The following CDH5 variants were observed in gnomAD, a reference collection of about 807,000 sequenced individuals.
CDH5 encodes the protein cadherin-5.
A neutral mutation model predicts 62.0 loss-of-function variants in CDH5; 28 were observed. The observed-to-expected ratio is 0.45, with a 90% confidence interval of 0.33 to 0.62. The LOEUF (loss-of-function observed/expected upper bound fraction) is 0.62. CDH5 is among the 20% of genes least tolerant of loss of function. The pLI, the probability that CDH5 is intolerant of heterozygous loss-of-function variation, is 0.02. For synonymous variants in CDH5, 464 were observed against 445.8 expected (o/e 1.04, Z -0.52); for missense variants, 940 against 1,065.1 (o/e 0.88, Z 1.63).
chr16:66,389,476 G>A lies in CDH5; in HGVS notation c.735G>A (p.Leu245=), dbSNP rs1961044810. The A allele has an allele frequency of 6.2e-7, 1 of 1,611,844 alleles. No individual in the cohort carries two copies. The highest frequency in any genetic ancestry group is 2.2e-5 in the East Asian group (1 of 44,670). ...LRGDSGTATV[L]VTLQDINDNF... ...GGGACTCGGGCACGGCCACCGTGCTGGTCACTCTGCAAGACATCAATGACA... is the reference window on the plus strand; with the variant it reads ...GGGACTCGGGCACGGCCACCGTGCTAGTCACTCTGCAAGACATCAATGACA... Residue 245 remains leucine, a synonymous_variant, in exon 5 of 12, where the codon CTG becomes CTA. Coordinates refer to ENST00000341529, the MANE Select transcript of CDH5 (RefSeq NM_001795.5).
At chr16:66,376,112 A>G (rs1960782188) in intron 1 of CDH5, among the ~76,000 whole-genome samples, 1 of 42,984 alleles carries the variant, frequency 2.3e-5, no homozygotes, top group South Asian at 5.7e-4. Flanking sequence ...GGAAAAAATA[A>G]TAAATAAATA....
At chr16:66,401,384 AT>A (rs924308309) in intron 11 of CDH5, among the ~76,000 whole-genome samples, 26 of 152,296 alleles carry the variant, frequency 1.7e-4, no homozygotes, top group African/African-American at 6.3e-4. Context: ...CATAAAACCT[AT>A]TTTTGAAAAA....
intron 2 of CDH5, among the ~76,000 whole-genome samples, chr16:66,381,551 C>A (rs1960898918): frequency 6.6e-6 from 1 of 152,204 alleles, no homozygotes; most frequent in Non-Finnish European, 1.5e-5. Flanking sequence ...TAAAATCTCA[C>A]TTTGTCAGCT....
rs750768565 is a variant in CDH5, at chr16:66,398,008, G to T, written c.1387G>T (p.Val463Leu). The T allele has an allele frequency of 1.9e-6, 3 of 1,614,190 alleles. No individual in the cohort carries two copies. In the Admixed American group the frequency reaches 5.0e-5, roughly 27 times the overall value. Residue 463 changes from valine (V) to leucine (L), a missense_variant, in exon 9 of 12, where the codon GTG becomes TTG. Physicochemically the swap from Val to Leu is conservative, Grantham distance 32. Coordinates refer to ENST00000341529, the MANE Select transcript of CDH5 (RefSeq NM_001795.5). ...AACCCCCACAGGAAAAGAATCCATT[G>T]TGCAAGTCCACATTGAAGTTTTGGA... is the stretch of plus-strand genomic sequence containing the variant. ...TGTPTGKESI[V>L]QVHIEVLDEN...
intron 9 of CDH5, 88 bp from the exon 10 acceptor site, chr16:66,398,368 C>G: frequency 1.1e-6 from 1 of 930,780 alleles, no homozygotes; most frequent in Non-Finnish European, 1.8e-6. Context: ...ATGGTCAGGA[C>G]TTAAACCCAA....
intron 1 of CDH5, chr16:66,377,838 CCT>C (rs1391882601): frequency 1.3e-5 from 2 of 152,208 alleles, no homozygotes; most frequent in African/African-American, 4.8e-5. Context: ...AGAGAAAACC[CCT>C]GTTCCTGGAA....
chr16:66,380,501 C>CACGATGATGGT (rs1960877863), intron 2 of CDH5, among the ~76,000 whole-genome samples: 1 of 144,086 alleles, frequency 6.9e-6, no homozygotes, highest in African/African-American at 2.6e-5. Flanking sequence ...ACGATGATGG[C>CACGATGATGGT]GGTGATGATA....
chr16:66,392,521 C>A (rs1185448783), intron 7 of CDH5, 138 bp downstream of exon 7: 2 of 1,230,462 alleles, frequency 1.6e-6, no homozygotes, highest in African/African-American at 1.5e-5. Flanking sequence ...GAGGCAAGAC[C>A]AGAAGCCCAA....
At chr16:66,383,174 A>G (rs906293743) in intron 2 of CDH5, among the ~76,000 whole-genome samples, 1 of 152,166 alleles carries the variant, frequency 6.6e-6, no homozygotes, top group African/African-American at 2.4e-5. Context: ...ACCTCTGTGG[A>G]ATGTAGTATC....
At chr16:66,387,904 T>C (rs1381330553) in intron 3 of CDH5, among the ~76,000 whole-genome samples, 2 of 151,968 alleles carry the variant, frequency 1.3e-5, no homozygotes, top group Non-Finnish European at 2.9e-5. Context: ...CAGTCCAGAG[T>C]CTCCAGCCAG....
In CDH5 at chr16:66,400,751, CG is replaced by C. The variant is rs1961265613; in HGVS notation, c.1592-19del. The C allele has an allele frequency of 6.2e-7, 1 of 1,613,936 alleles. No individual in the cohort carries two copies. Among genetic ancestry groups the C allele is most frequent in the African/African-American group, 1.3e-5 (1 of 74,934 alleles). ...CTGTGCAGATGGCAAAGCCTGACTC[CG>C]AGGCCTTGGTGTTTCCAGATAACAC... On this transcript the variant is annotated intron_variant, in intron 10 of 11. Transcript: ENST00000341529.
At chr16:66,388,940 C>T (rs1239932374) in intron 4 of CDH5, among the ~76,000 whole-genome samples, 3 of 152,102 alleles carry the variant, frequency 2.0e-5, no homozygotes, top group Non-Finnish European at 2.9e-5. Context: ...TATGTGATGA[C>T]TTAACAAAAA....
chr16:66,375,879 G>A (rs902663018), intron 1 of CDH5, among the ~76,000 whole-genome samples: 83 of 151,758 alleles, frequency 5.5e-4, no homozygotes, highest in Non-Finnish European at 1.1e-3. Flanking sequence ...AGGCTGACGC[G>A]GCGGATCGCC....
intron 8 of CDH5, among the ~76,000 whole-genome samples, chr16:66,397,282 C>T (rs139830273): frequency 6.8e-4 from 103 of 152,210 alleles, no homozygotes; most frequent in African/African-American, 2.2e-3. Flanking sequence ...TGCAGTGGCA[C>T]GATCACAGCT....
chr16:66,398,610 T>C, intron 10 of CDH5, 49 bp downstream of exon 10: 1 of 939,932 alleles, frequency 1.1e-6, no homozygotes, highest in Non-Finnish European at 1.7e-6. Context: ...CCCACACCTG[T>C]AGTCTCAGCT....
intron 2 of CDH5, among the ~76,000 whole-genome samples, chr16:66,382,714 G>C (rs1162765116): frequency 6.6e-6 from 1 of 152,106 alleles, no homozygotes; most frequent in East Asian, 1.9e-4. Context: ...GGTCTCCGAG[G>C]AACCACAAGG....
chr16:66,402,280 C>A (rs529764316), intron 11 of CDH5, among the ~76,000 whole-genome samples: 1 of 151,384 alleles, frequency 6.6e-6, no homozygotes, highest in South Asian at 2.1e-4. Flanking sequence ...CCTTAGGGAT[C>A]CAAGACCCTC....
intron 4 of CDH5, 148 bp from the exon 5 acceptor site, chr16:66,389,210 A>C (rs1253646719): frequency 1.5e-6 from 1 of 688,528 alleles, no homozygotes. Context: ...CTATGGAGGT[A>C]GTGGGTTGTA....
chr16:66,378,942 G>T (rs143350529), intron 1 of CDH5, among the ~76,000 whole-genome samples: 1 of 152,166 alleles, frequency 6.6e-6, no homozygotes, highest in Admixed American at 6.6e-5. Context: ...ATGGGCGATC[G>T]GTCAGAGTGG....
Sources: gnomAD v4.1 joint callset for allele counts (sites outside exome capture counted in the v4.1 genomes callset) on GRCh38, gnomAD v4.1.1 for gene constraint, MANE v1.5 for transcripts, NCBI Gene and HGNC (gene_info 2026-07-23, HGNC 2026-07-21) for gene names.